The following ANKRD12 variants were observed in gnomAD, a reference collection of about 807,000 sequenced individuals.
ANKRD12 encodes the protein ankyrin repeat domain-containing protein 12.
ANKRD12 carries 85 observed loss-of-function variants against 183.4 expected under a neutral mutation model. The observed-to-expected ratio is 0.46, with a 90% confidence interval of 0.39 to 0.56. The LOEUF is 0.56. Ranked by LOEUF, ANKRD12 falls within the 20% of genes least tolerant of loss-of-function variation. The pLI, the probability that ANKRD12 is intolerant of heterozygous loss-of-function variation, is 0.00. For missense variants in ANKRD12, 2,405 were observed against 2,357.1 expected, an observed-to-expected ratio of 1.02 and a Z score of -0.42; for synonymous variants, 914 against 800.2, an observed-to-expected ratio of 1.14 and a Z score of -2.40.
intron 2 of ANKRD12, among the ~76,000 whole-genome samples, chr18:9,186,791 C>G (rs7505670): frequency 0.79 from 113,397 of 143,592 alleles, 44,594 homozygotes; most frequent in Middle Eastern, 0.89. Context: ...CGCTCTTTTT[C>G]CCCGGGCCGG....
chr18:9,206,625 T>G (rs1010389521), intron 4 of ANKRD12, among the ~76,000 whole-genome samples: 1 of 152,096 alleles, frequency 6.6e-6, no homozygotes, highest in Admixed American at 6.6e-5. Flanking sequence ...CTATGGTAAC[T>G]GAAAGAAAAT....
At chr18:9,227,852 A>C (rs1258133826) in intron 8 of ANKRD12, among the ~76,000 whole-genome samples, 1 of 152,202 alleles carries the variant, frequency 6.6e-6, no homozygotes, top group Non-Finnish European at 1.5e-5. Flanking sequence ...TATACATAAT[A>C]CTGTTGCTAA....
chr18:9,229,742 C>T (rs1441816611), intron 8 of ANKRD12, among the ~76,000 whole-genome samples: 1 of 151,886 alleles, frequency 6.6e-6, no homozygotes, highest in African/African-American at 2.4e-5. Flanking sequence ...GGTTTTTGTC[C>T]TTCATTCTGT....
chr18:9,139,261 G>A (rs142503060), intron 1 of ANKRD12, among the ~76,000 whole-genome samples: 4 of 152,122 alleles, frequency 2.6e-5, no homozygotes, highest in African/African-American at 9.7e-5. Flanking sequence ...AATTTTATTT[G>A]CAGACTAGTG....
chr18:9,161,241 T>TAAATA (rs2031370743), intron 1 of ANKRD12, among the ~76,000 whole-genome samples: 1 of 152,178 alleles, frequency 6.6e-6, no homozygotes, highest in African/African-American at 2.4e-5. Context: ...GAGTACTTAT[T>TAAATA]GCCCAGTATG....
chr18:9,253,860 T>C (rs1358855118), intron 8 of ANKRD12, among the ~76,000 whole-genome samples: 7 of 152,230 alleles, frequency 4.6e-5, no homozygotes. Flanking sequence ...ATCCAACTGC[T>C]GGGTATACAC....
intron 9 of ANKRD12, chr18:9,259,611 G>A: frequency 6.6e-6 from 1 of 152,084 alleles, no homozygotes; most frequent in East Asian, 1.9e-4. Flanking sequence ...GTCAAATATT[G>A]TTCTAAAAGA....
intron 9 of ANKRD12, among the ~76,000 whole-genome samples, chr18:9,263,297 G>A (rs1255100884): frequency 1.3e-5 from 2 of 152,266 alleles, no homozygotes; most frequent in African/African-American, 2.4e-5. Flanking sequence ...AATAAAGTTT[G>A]AAAACAATTT....
intron 8 of ANKRD12, chr18:9,239,496 G>C (rs781226093): frequency 1.6e-6 from 2 of 1,284,498 alleles, no homozygotes; most frequent in Non-Finnish European, 2.0e-6. Flanking sequence ...TTTCCACATG[G>C]TGAATGTGCC....
chr18:9,139,915 G>A (rs1026285168), intron 1 of ANKRD12, among the ~76,000 whole-genome samples: 1 of 152,200 alleles, frequency 6.6e-6, no homozygotes, highest in African/African-American at 2.4e-5. Flanking sequence ...GTTTGGCCGA[G>A]AGGTTTCTTT....
Position 9,209,533 on chromosome 18 carries a change from C to T in ANKRD12, c.451+730C>T, listed in dbSNP as rs185162941. Among the ~76,000 whole-genome samples, 22 of 152,170 alleles carry T rather than the reference C, an allele frequency of 1.4e-4. 1 individual carries two copies. The East Asian group carries it at 3.3e-3, about 23-fold the overall frequency. On this transcript the variant is annotated intron_variant, in intron 5 of 12. Transcript: ENST00000262126. ...TCCTGTATTGCCTCTTTTTAAAAAA[C>T]GGGATGACATGGTTAAATTCTTAAG...
intron 8 of ANKRD12, among the ~76,000 whole-genome samples, chr18:9,237,796 G>A (rs2037432168): frequency 6.6e-6 from 1 of 152,122 alleles, no homozygotes; most frequent in African/African-American, 2.4e-5. Flanking sequence ...GGTAGCTAGT[G>A]GCAGAGGAGA....
chr18:9,278,189 A>G (rs951474981), intron 11 of ANKRD12, among the ~76,000 whole-genome samples: 6 of 152,202 alleles, frequency 3.9e-5, no homozygotes, highest in Admixed American at 3.9e-4. Flanking sequence ...TTATTTAAAT[A>G]TGGAACTGTT....
At chr18:9,245,286 C>CA (rs779175444) in intron 8 of ANKRD12, among the ~76,000 whole-genome samples, 2,380 of 123,874 alleles carry the variant, frequency 0.019, 35 homozygotes, top group African/African-American at 0.036. Flanking sequence ...CCCATTTCTA[C>CA]AAAAAAAAAA....
At position 9,257,350 on chromosome 18, in the gene ANKRD12, T is replaced by G. The variant is rs1268631921; in HGVS notation, c.4083T>G (p.Asn1361Lys). 2 of 1,614,140 alleles carry G rather than the reference T, an allele frequency of 1.2e-6. No individual in the cohort carries two copies. The highest frequency in any genetic ancestry group is 4.5e-5 in the East Asian group (2 of 44,878). ...ATGTGCCTGAAAGAGACCTTTCAAA[T>G]GTATCTAACATACATTCCAGTTTTG... Reference protein sequence around the residue: ...FSNVPERDLSNVSNIHSSFAT... With the variant: ...FSNVPERDLSKVSNIHSSFAT... Residue 1361 changes from asparagine to lysine, a missense_variant, in exon 9 of 13, where the codon AAT becomes AAG. Physicochemically the swap from Asn to Lys is moderately conservative, Grantham distance 94 (BLOSUM62 0). Transcript: ENST00000262126.
At chr18:9,214,366 T>G (rs1376660396) in intron 6 of ANKRD12, among the ~76,000 whole-genome samples, 1 of 152,068 alleles carries the variant, frequency 6.6e-6, no homozygotes, top group Non-Finnish European at 1.5e-5. Flanking sequence ...TGCATAAAAT[T>G]TACTGTAGTA....
intron 1 of ANKRD12, among the ~76,000 whole-genome samples, chr18:9,159,807 T>TTTTTTTTA: frequency 6.6e-6 from 1 of 151,410 alleles, no homozygotes; most frequent in South Asian, 2.1e-4. Context: ...TTCAGATTTT[T>TTTTTTTTA]TTTTTTTAAT....
intron 8 of ANKRD12, among the ~76,000 whole-genome samples, chr18:9,223,901 A>T (rs898832636): frequency 6.6e-6 from 1 of 152,260 alleles, no homozygotes; most frequent in Admixed American, 6.5e-5. Flanking sequence ...GTTCATAGTT[A>T]TCTTCATTAA....
Position 9,283,377 on chromosome 18 carries a change from C to T in ANKRD12, c.*2251C>T, listed in dbSNP as rs911374327. The T allele has an allele frequency of 6.6e-6, 1 of 152,198 alleles. No individual in the cohort carries two copies. The highest frequency in any genetic ancestry group is 2.4e-5 in the African/African-American group (1 of 41,458). 9.4% of individuals were successfully genotyped at this position (152,198 alleles called of 1,614,324 possible). ...ATGGTACCTCAAAAAGCTGGAGCCT[C>T]TCTGCCATGATTATGCTTCTACAAA... is the stretch of plus-strand genomic sequence containing the variant. On this transcript the variant is annotated 3_prime_UTR_variant, in exon 13 of 13. Coordinates refer to ENST00000262126, the MANE Select transcript of ANKRD12 (RefSeq NM_015208.5).
Sources: gnomAD v4.1 joint callset for allele counts (sites outside exome capture counted in the v4.1 genomes callset) on GRCh38, gnomAD v4.1.1 for gene constraint, MANE v1.5 for transcripts, NCBI Gene and HGNC (gene_info 2026-07-23, HGNC 2026-07-21) for gene names.